Variants in ATF7IP2 observed in about 807,000 individuals in gnomAD.
ATF7IP2 encodes activating transcription factor 7 interacting protein 2.
In ATF7IP2, 42 loss-of-function variants were observed where a neutral mutation model predicts 64.2. The ratio of observed to expected loss-of-function variants is 0.65; its 90% CI spans 0.51 to 0.85. The LOEUF (loss-of-function observed/expected upper bound fraction) is 0.85. ATF7IP2 is among the 40% of genes least tolerant of loss of function. The pLI is 0.00. For missense variants in ATF7IP2, 933 were observed against 784.2 expected (o/e 1.19, Z -2.27); for synonymous variants, 308 against 272.8 (o/e 1.13, Z -1.27).
intron 6 of ATF7IP2, among the ~76,000 whole-genome samples, chr16:10,436,535 A>G (rs1356165824): frequency 2.0e-5 from 3 of 152,152 alleles, no homozygotes; most frequent in African/African-American, 7.2e-5. Flanking sequence ...TCAAGTAGAC[A>G]ATGTTGAAGA....
At chr16:10,463,891 G>C (rs1204887421) in intron 9 of ATF7IP2, among the ~76,000 whole-genome samples, 1 of 152,168 alleles carries the variant, frequency 6.6e-6, no homozygotes, top group Non-Finnish European at 1.5e-5. Context: ...CAGCCCTCTT[G>C]CCTGGGATAT....
chr16:10,410,066 T>A (rs1333051103), intron 1 of ATF7IP2, among the ~76,000 whole-genome samples: 1 of 152,212 alleles, frequency 6.6e-6, no homozygotes, highest in Non-Finnish European at 1.5e-5. Flanking sequence ...GGCTCTTTTT[T>A]GGTTCCATAT....
At chr16:10,386,475 CG>C (rs1353187960) in intron 1 of ATF7IP2, 1 of 152,164 alleles carries the variant, frequency 6.6e-6, no homozygotes, top group Non-Finnish European at 1.5e-5. Context: ...CGCTCTTGTC[CG>C]GAATGCTTTC....
At position 10,454,507 on chromosome 16, in the gene ATF7IP2, T is replaced by G. The variant is rs139627621; in HGVS notation, c.1195-2865T>G. Among the ~76,000 whole-genome samples, 384 of 151,496 alleles carry G rather than the reference T, an allele frequency of 2.5e-3. 3 individuals are homozygous for G. The highest frequency in any genetic ancestry group is 8.8e-3 in the African/African-American group (365 of 41,458). ...GTACTTTGTTTCTGATGTGGGTTAA[T>G]CTGTATATTTATTATTTTTCCTTCT... On this transcript the variant is annotated intron_variant, in intron 8 of 13. Transcript: ENST00000562102.
At chr16:10,412,010 G>T (rs369251545) in intron 1 of ATF7IP2, among the ~76,000 whole-genome samples, 723 of 57,636 alleles carry the variant, frequency 0.013, 2 homozygotes, top group Middle Eastern at 0.037. Context: ...ATCTTTTTTT[G>T]TTTTTTTTTT....
At chr16:10,459,473 G>GAAAAAAAA (rs377627260) in intron 9 of ATF7IP2, among the ~76,000 whole-genome samples, 1 of 83,928 alleles carries the variant, frequency 1.2e-5, no homozygotes, top group Non-Finnish European at 2.5e-5. Context: ...ATCTCAAAAA[G>GAAAAAAAA]AAAAAAAAAA....
chr16:10,396,652 T>G (rs549211565), intron 1 of ATF7IP2, among the ~76,000 whole-genome samples: 15 of 151,726 alleles, frequency 9.9e-5, no homozygotes, highest in African/African-American at 3.6e-4. Context: ...CCTGTTTTTG[T>G]TGTTTGTTTG....
chr16:10,388,972 A>C (rs1027678834), intron 1 of ATF7IP2, among the ~76,000 whole-genome samples: 2 of 151,992 alleles, frequency 1.3e-5, no homozygotes, highest in Non-Finnish European at 2.9e-5. Flanking sequence ...AGATCGCACC[A>C]CTGCATTCCA....
intron 2 of ATF7IP2, among the ~76,000 whole-genome samples, chr16:10,416,291 A>T (rs1023642828): frequency 2.6e-5 from 4 of 152,228 alleles, no homozygotes; most frequent in Admixed American, 6.5e-5. Context: ...GAGATCTGTC[A>T]TTTGCAACAA....
chr16:10,411,727 G>A (rs2047763643), intron 1 of ATF7IP2, among the ~76,000 whole-genome samples: 1 of 151,758 alleles, frequency 6.6e-6, no homozygotes, highest in African/African-American at 2.4e-5. Flanking sequence ...GGTCTTTCAG[G>A]GTATCTACTT....
At chr16:10,476,039 G>T (rs2049997233) in intron 12 of ATF7IP2, among the ~76,000 whole-genome samples, 1 of 152,146 alleles carries the variant, frequency 6.6e-6, no homozygotes, top group African/African-American at 2.4e-5. Context: ...TTGAAAGAAG[G>T]AATATTATTT....
At chr16:10,459,604 G>A (rs1040485034) in intron 9 of ATF7IP2, among the ~76,000 whole-genome samples, 2 of 151,836 alleles carry the variant, frequency 1.3e-5, no homozygotes, top group South Asian at 2.1e-4. Flanking sequence ...CTGAGATCAC[G>A]CCACTGTACT....
At chr16:10,401,334 A>T (rs2047530744) in intron 1 of ATF7IP2, among the ~76,000 whole-genome samples, 1 of 151,390 alleles carries the variant, frequency 6.6e-6, no homozygotes. Flanking sequence ...TGCCTGGCTC[A>T]TTTTTTTGTA....
chr16:10,410,912 T>C (rs2047746312), intron 1 of ATF7IP2, among the ~76,000 whole-genome samples: 1 of 152,248 alleles, frequency 6.6e-6, no homozygotes, highest in Admixed American at 6.5e-5. Flanking sequence ...CTGAACGTTT[T>C]AATCATAAAG....
chr16:10,435,803 A>G (rs768666097), intron 6 of ATF7IP2, among the ~76,000 whole-genome samples: 36 of 152,314 alleles, frequency 2.4e-4, no homozygotes, highest in Non-Finnish European at 4.7e-4. Flanking sequence ...CTCCTTTCCA[A>G]AAGATTGTGT....
chr16:10,452,520 C>G (rs2141989706), intron 8 of ATF7IP2, among the ~76,000 whole-genome samples: 1 of 152,292 alleles, frequency 6.6e-6, no homozygotes, highest in African/African-American at 2.4e-5. Flanking sequence ...CCAGAGCTCT[C>G]TTGTATGAGG....
At chr16:10,464,395 T>C (rs2049484127) in intron 9 of ATF7IP2, among the ~76,000 whole-genome samples, 1 of 152,190 alleles carries the variant, frequency 6.6e-6, no homozygotes, top group Non-Finnish European at 1.5e-5. Flanking sequence ...TTGAAGGAAT[T>C]AGTGCCACTG....
At chr16:10,393,964 C>G (rs2047376479) in intron 1 of ATF7IP2, among the ~76,000 whole-genome samples, 1 of 152,244 alleles carries the variant, frequency 6.6e-6, no homozygotes, top group East Asian at 1.9e-4. Context: ...ATCACTTGAG[C>G]CCAGGAGTTC....
intron 1 of ATF7IP2, among the ~76,000 whole-genome samples, chr16:10,391,652 C>A (rs760396751): frequency 6.6e-6 from 1 of 152,074 alleles, no homozygotes; most frequent in Admixed American, 6.6e-5. Flanking sequence ...AATCCCAGCA[C>A]TTTAGGAGGC....
Sources: gnomAD v4.1 joint callset for allele counts (sites outside exome capture counted in the v4.1 genomes callset) on GRCh38, gnomAD v4.1.1 for gene constraint, MANE v1.5 for transcripts, NCBI Gene and HGNC (gene_info 2026-07-23, HGNC 2026-07-21) for gene names.